BRD10: variants seen among roughly 807,000 people sequenced by gnomAD.
The protein encoded by BRD10 is uncharacterized bromodomain-containing protein 10.
At chr9:5,968,632 A>C in the BRD10 span, 1 of 1,613,916 alleles carries the variant, frequency 6.2e-7, no homozygotes, top group East Asian at 2.2e-5. Context: ...TCTTGAAGGA[A>C]GAGGGCAGGC....
the BRD10 span, chr9:5,892,567 G>A: frequency 6.2e-7 from 1 of 1,609,360 alleles, no homozygotes; most frequent in African/African-American, 1.3e-5. Context: ...TTCAAAACCA[G>A]ACCCAGCAGG....
chr9:5,981,889 A>G, the BRD10 span, among the ~76,000 whole-genome samples: 1 of 152,158 alleles, frequency 6.6e-6, no homozygotes, highest in East Asian at 1.9e-4. Context: ...ATGGAAACAG[A>G]AAGTTGTTAA....
the BRD10 span, among the ~76,000 whole-genome samples, chr9:5,933,493 C>G: frequency 6.6e-6 from 1 of 152,190 alleles, no homozygotes; most frequent in Non-Finnish European, 1.5e-5. Context: ...TGCCAGCTCC[C>G]TTTCCATAAG....
At chr9:5,906,250 A>C in the BRD10 span, among the ~76,000 whole-genome samples, 1 of 151,210 alleles carries the variant, frequency 6.6e-6, no homozygotes, top group African/African-American at 2.4e-5. Flanking sequence ...GTATCACTTG[A>C]ACCCAGGACG....
At chr9:5,947,442 A>T in the BRD10 span, among the ~76,000 whole-genome samples, 1 of 152,158 alleles carries the variant, frequency 6.6e-6, no homozygotes, top group Non-Finnish European at 1.5e-5. Flanking sequence ...ATTTCCAAAT[A>T]GGGAATGGCA....
the BRD10 span, among the ~76,000 whole-genome samples, chr9:5,904,676 T>C: frequency 6.6e-6 from 1 of 152,184 alleles, no homozygotes; most frequent in Non-Finnish European, 1.5e-5. Context: ...TTTCATCATG[T>C]TGGCCAGGCT....
the BRD10 span, among the ~76,000 whole-genome samples, chr9:5,956,480 A>T: frequency 6.6e-6 from 1 of 152,162 alleles, no homozygotes; most frequent in Admixed American, 6.5e-5. Context: ...GACCTTGAGC[A>T]AACTGCTTTA....
chr9:5,921,542 C>T, the BRD10 span: 1 of 1,613,816 alleles, frequency 6.2e-7, no homozygotes, highest in Non-Finnish European at 8.5e-7. Context: ...AGTTCCATTG[C>T]CAGAAGAAAG....
the BRD10 span, among the ~76,000 whole-genome samples, chr9:5,892,801 T>C: frequency 6.6e-6 from 1 of 152,222 alleles, no homozygotes; most frequent in East Asian, 1.9e-4. Flanking sequence ...GGTGCACTTT[T>C]GACTATTGGG....
chr9:6,006,028 A>G, the BRD10 span, among the ~76,000 whole-genome samples: 2 of 152,242 alleles, frequency 1.3e-5, no homozygotes. Context: ...TTTAAATTAC[A>G]GTGACAAATC....
the BRD10 span, among the ~76,000 whole-genome samples, chr9:5,944,273 C>G: frequency 4.0e-5 from 6 of 151,884 alleles, no homozygotes; most frequent in Non-Finnish European, 7.4e-5. Flanking sequence ...GAGTGTTTTA[C>G]CAAGTATCAG....
chr9:5,911,841 T>C, the BRD10 span, among the ~76,000 whole-genome samples: 9 of 152,170 alleles, frequency 5.9e-5, no homozygotes, highest in Admixed American at 5.2e-4. Flanking sequence ...AGCCTGTAGG[T>C]CTTTTGTGGG....
the BRD10 span, among the ~76,000 whole-genome samples, chr9:6,002,728 G>C: frequency 1.3e-5 from 2 of 149,818 alleles, no homozygotes; most frequent in Non-Finnish European, 3.0e-5. Context: ...CCAGGCTGGA[G>C]TGCAGCAGCA....
At chr9:5,996,367 G>A in the BRD10 span, among the ~76,000 whole-genome samples, 104 of 152,148 alleles carry the variant, frequency 6.8e-4, no homozygotes, top group African/African-American at 2.4e-3. Flanking sequence ...CACCCAGGCT[G>A]GAGTGCAATG....
At chr9:5,919,262 C>A in the BRD10 span, 4 of 151,882 alleles carry the variant, frequency 2.6e-5, no homozygotes, top group South Asian at 6.1e-4. Flanking sequence ...TTTTTTTTTA[C>A]AGAAACAAAA....
chr9:5,930,738 T>C, the BRD10 span, among the ~76,000 whole-genome samples: 1 of 152,196 alleles, frequency 6.6e-6, no homozygotes, highest in African/African-American at 2.4e-5. Flanking sequence ...CTCTTTCTTG[T>C]TAAATGTGTT....
chr9:5,954,983 G>T, the BRD10 span, among the ~76,000 whole-genome samples: 1 of 151,944 alleles, frequency 6.6e-6, no homozygotes, highest in Admixed American at 6.6e-5. Context: ...AGCTACCTGG[G>T]AGCCTGAGAC....
At chr9:5,884,005 C>T in the BRD10 span, among the ~76,000 whole-genome samples, 1 of 152,160 alleles carries the variant, frequency 6.6e-6, no homozygotes, top group African/African-American at 2.4e-5. Flanking sequence ...GACAGTCTTA[C>T]ACACCAAAAA....
chr9:5,976,150 T>C, the BRD10 span, among the ~76,000 whole-genome samples: 1 of 152,202 alleles, frequency 6.6e-6, no homozygotes, highest in South Asian at 2.1e-4. Context: ...TGCTGCCTTT[T>C]AGTAGCCTTA....
Sources: gnomAD v4.1 joint callset for allele counts (sites outside exome capture counted in the v4.1 genomes callset) on GRCh38, gnomAD v4.1.1 for gene constraint, MANE v1.5 for transcripts, NCBI Gene and HGNC (gene_info 2026-07-23, HGNC 2026-07-21) for gene names.